The following STARD13 variants were observed in gnomAD, a reference collection of about 807,000 sequenced individuals.
STARD13 encodes the protein StAR related lipid transfer domain containing 13, also known as stAR-related lipid transfer protein 13.
Under a neutral mutation model 106.4 loss-of-function variants are expected in STARD13, and 62 were observed. The ratio of observed to expected loss-of-function variants is 0.58; its 90% confidence interval spans 0.48 to 0.72. The LOEUF is 0.72. STARD13 is among the 30% of genes least tolerant of loss of function. The pLI is 0.00. For missense variants in STARD13, 1,387 were observed against 1,424.0 expected (o/e 0.97, Z 0.42); for synonymous variants, 565 against 553.0 (o/e 1.02, Z -0.31).
At chr13:33,146,781 A>G (rs1450204742) in intron 3 of STARD13, among the ~76,000 whole-genome samples, 1 of 152,204 alleles carries the variant, frequency 6.6e-6, no homozygotes, top group Non-Finnish European at 1.5e-5. Context: ...CTAAGTGTCT[A>G]TTTAAGAAAA....
chr13:33,538,737 C>G, the STARD13 span, among the ~76,000 whole-genome samples: 1 of 151,568 alleles, frequency 6.6e-6, no homozygotes, highest in African/African-American at 2.4e-5. Flanking sequence ...CACAGATGAT[C>G]CAAATACTGG....
At chr13:33,586,923 C>T in the STARD13 span, among the ~76,000 whole-genome samples, 6 of 152,066 alleles carry the variant, frequency 3.9e-5, no homozygotes, top group Admixed American at 2.0e-4. Flanking sequence ...GTTCAATTTT[C>T]TCCTAGTTGG....
At chr13:33,109,304 T>C (rs1874185703) in intron 12 of STARD13, among the ~76,000 whole-genome samples, 1 of 152,046 alleles carries the variant, frequency 6.6e-6, no homozygotes, top group South Asian at 2.1e-4. Context: ...AGAACAGGGG[T>C]CTGGAACTCA....
the STARD13 span, among the ~76,000 whole-genome samples, chr13:33,449,827 A>T: frequency 5.9e-5 from 9 of 152,160 alleles, no homozygotes; most frequent in Non-Finnish European, 8.8e-5. Context: ...ATTTATTCCT[A>T]GGTAATTTTT....
chr13:33,647,160 C>G, the STARD13 span, among the ~76,000 whole-genome samples: 1 of 152,108 alleles, frequency 6.6e-6, no homozygotes, highest in African/African-American at 2.4e-5. Flanking sequence ...AAGGGCCCTG[C>G]CTGTAGCTGT....
At chr13:33,208,973 T>C (rs1887567960) in intron 1 of STARD13, among the ~76,000 whole-genome samples, 1 of 152,222 alleles carries the variant, frequency 6.6e-6, no homozygotes, top group Non-Finnish European at 1.5e-5. Flanking sequence ...TGCAGCCGTT[T>C]AAAATACACA....
chr13:33,669,710 A>G, the STARD13 span, among the ~76,000 whole-genome samples: 1 of 151,158 alleles, frequency 6.6e-6, no homozygotes. Flanking sequence ...TAACTTTTGT[A>G]TTTTTAATAG....
intron 7 of STARD13, among the ~76,000 whole-genome samples, chr13:33,120,865 A>G (rs1876178007): frequency 6.6e-6 from 1 of 151,184 alleles, no homozygotes; most frequent in African/African-American, 2.4e-5. Flanking sequence ...TCAGCCTACT[A>G]AGTAGCTGGG....
At chr13:33,431,731 T>A in the STARD13 span, among the ~76,000 whole-genome samples, 1 of 152,292 alleles carries the variant, frequency 6.6e-6, no homozygotes, top group Non-Finnish European at 1.5e-5. Context: ...AAGATAATAG[T>A]TATATTGCTT....
intron 3 of STARD13, among the ~76,000 whole-genome samples, chr13:33,164,786 T>C (rs1452378103): frequency 6.6e-6 from 1 of 152,226 alleles, no homozygotes; most frequent in Non-Finnish European, 1.5e-5. Flanking sequence ...CCTTACACTA[T>C]CTATCACAAA....
At chr13:33,508,540 T>C in the STARD13 span, among the ~76,000 whole-genome samples, 1 of 152,212 alleles carries the variant, frequency 6.6e-6, no homozygotes, top group South Asian at 2.1e-4. Context: ...GCTGAATTTA[T>C]ATTATTTGCA....
intron 1 of STARD13, among the ~76,000 whole-genome samples, chr13:33,340,293 TC>T (rs1034501553): frequency 6.6e-6 from 1 of 152,162 alleles, no homozygotes. Flanking sequence ...AGCCTCAACT[TC>T]CAGGGCTCAA....
rs984680385 is a variant in STARD13 at position 33,255,105 on chromosome 13, C to CG, written c.169+30364_169+30365insC. Among the ~76,000 whole-genome samples the CG allele has an allele frequency of 7.8e-5, 11 of 141,226 alleles. No homozygotes were observed. In the South Asian group the frequency reaches 9.4e-4, roughly 12 times the overall value. The allele number at this position is 141,226 out of a possible 152,430, so 92.6% of individuals were successfully genotyped here. On this transcript the variant is annotated intron_variant, in intron 1 of 13. Coordinates refer to ENST00000336934, the MANE Select transcript of STARD13 (RefSeq NM_178006.4). ...ACCTGTCCATCTGTGTGCTCCCCCC[C>CG]CCCTCAGAGGCTTGATCAGGTTCAG...
At chr13:33,158,324 C>A (rs963955556) in intron 3 of STARD13, among the ~76,000 whole-genome samples, 1 of 152,204 alleles carries the variant, frequency 6.6e-6, no homozygotes, top group Non-Finnish European at 1.5e-5. Context: ...AAAAAGGTAA[C>A]ACTGCTTAAC....
chr13:33,443,582 T>C, the STARD13 span, among the ~76,000 whole-genome samples: 5 of 151,836 alleles, frequency 3.3e-5, no homozygotes, highest in African/African-American at 1.2e-4. Flanking sequence ...CTTAGCAATA[T>C]AACACATTAA....
intron 12 of STARD13, among the ~76,000 whole-genome samples, chr13:33,109,479 T>TAC (rs1014241115): frequency 8.5e-5 from 13 of 152,180 alleles, no homozygotes; most frequent in African/African-American, 3.1e-4. Flanking sequence ...TCTTGAGAGT[T>TAC]ACACACACTT....
At chr13:33,464,454 A>G in the STARD13 span, among the ~76,000 whole-genome samples, 3 of 152,220 alleles carry the variant, frequency 2.0e-5, no homozygotes, top group African/African-American at 7.2e-5. Flanking sequence ...ATCTGTTTCC[A>G]TGCTTCATTG....
intron 1 of STARD13, among the ~76,000 whole-genome samples, chr13:33,221,721 A>G (rs1011342274): frequency 6.6e-6 from 1 of 152,226 alleles, no homozygotes. Context: ...TGTCTCAAAG[A>G]GATATTTGTA....
At chr13:33,220,348 T>A (rs1888286997) in intron 1 of STARD13, among the ~76,000 whole-genome samples, 1 of 152,190 alleles carries the variant, frequency 6.6e-6, no homozygotes, top group Non-Finnish European at 1.5e-5. Context: ...TATCAGCTGG[T>A]TGTAGACAAT....
Sources: gnomAD v4.1 joint callset for allele counts (sites outside exome capture counted in the v4.1 genomes callset) on GRCh38, gnomAD v4.1.1 for gene constraint, MANE v1.5 for transcripts, NCBI Gene and HGNC (gene_info 2026-07-23, HGNC 2026-07-21) for gene names.